GNG7: variants seen among roughly 807,000 people sequenced by gnomAD.
GNG7 encodes guanine nucleotide-binding protein G(I)/G(S)/G(O) subunit gamma-7.
A neutral mutation model predicts 4.0 loss-of-function variants in GNG7; 1 was observed. That is an observed-to-expected ratio of 0.25 (90% CI 0.09 to 1.18). GNG7 has a LOEUF of 1.18. Among genes scored for constraint, GNG7 ranks in the 50% most tolerant of loss-of-function variants. The pLI, the probability that GNG7 is intolerant of heterozygous loss-of-function variation, is 0.50. For synonymous variants in GNG7, 34 were observed against 36.9 expected (o/e 0.92, Z 0.29); for missense variants, 86 against 91.9 (o/e 0.94, Z 0.26).
intron 1 of GNG7, among the ~76,000 whole-genome samples, chr19:2,695,289 C>A (rs766847471): frequency 6.6e-6 from 1 of 151,506 alleles, no homozygotes; most frequent in Non-Finnish European, 1.5e-5. Context: ...CTCTCTACCC[C>A]CCTGGACGAC....
intron 1 of GNG7, among the ~76,000 whole-genome samples, chr19:2,676,993 G>C (rs1983610616): frequency 6.6e-6 from 1 of 152,162 alleles, no homozygotes; most frequent in African/African-American, 2.4e-5. Flanking sequence ...CTCAAAGCAA[G>C]GCATTCTCCT....
At chr19:2,522,598 C>A (rs569564841) in intron 3 of GNG7, among the ~76,000 whole-genome samples, 360 of 151,442 alleles carry the variant, frequency 2.4e-3, no homozygotes, top group Non-Finnish European at 4.1e-3. Flanking sequence ...CACGGTGAAA[C>A]CCCGTCTCCC....
intron 2 of GNG7, among the ~76,000 whole-genome samples, chr19:2,558,838 A>G (rs940246124): frequency 2.0e-5 from 3 of 146,820 alleles, no homozygotes; most frequent in Non-Finnish European, 3.0e-5. Context: ...TCATTTTGTC[A>G]CCCAGGATGG....
In GNG7 at chr19:2,653,104, A is replaced by G. The variant is rs1982873315; in HGVS notation, c.-134-6824T>C. 1.3e-5 allele frequency among the ~76,000 whole-genome samples: 2 copies of G among 152,160 alleles called. No homozygotes were observed. The highest frequency in any genetic ancestry group is 2.9e-5 in the Non-Finnish European group (2 of 68,026). ...AGACTCTGACTCAAATAAATAAATCAAAATAAAATAAAATAAATAATAGAA... is the reference window on the plus strand; with the variant it reads ...AGACTCTGACTCAAATAAATAAATCGAAATAAAATAAAATAAATAATAGAA... On this transcript the variant is annotated intron_variant, in intron 1 of 4. Coordinates refer to ENST00000382159, the MANE Select transcript of GNG7 (RefSeq NM_052847.3). This position sits in a 1 kb window ranked among gnomAD's most constrained non-coding sequence, Gnocchi z 4.8.
intron 2 of GNG7, among the ~76,000 whole-genome samples, chr19:2,625,539 G>C (rs970398642): frequency 2.0e-5 from 3 of 151,986 alleles, no homozygotes; most frequent in African/African-American, 7.2e-5. Context: ...CTTCTCCTCG[G>C]TCACGGGGAT....
chr19:2,662,124 G>A (rs931948749), intron 1 of GNG7, among the ~76,000 whole-genome samples: 1 of 151,914 alleles, frequency 6.6e-6, no homozygotes. Context: ...GCCAGGCGTG[G>A]TTGTGGGCAC....
At chr19:2,568,739 TACATACAC>T (rs983807890) in intron 2 of GNG7, among the ~76,000 whole-genome samples, 73 of 147,150 alleles carry the variant, frequency 5.0e-4, no homozygotes, top group Admixed American at 2.6e-3. Flanking sequence ...CACATATACA[TACATACAC>T]ACATACACAC....
chr19:2,622,277 C>CA (rs1981894997), intron 2 of GNG7, among the ~76,000 whole-genome samples: 1 of 152,172 alleles, frequency 6.6e-6, no homozygotes, highest in Admixed American at 6.5e-5. Context: ...GACGGGGTTT[C>CA]ACCATGTTAG....
At chr19:2,594,187 A>G (rs540207752) in intron 2 of GNG7, among the ~76,000 whole-genome samples, 14 of 152,210 alleles carry the variant, frequency 9.2e-5, no homozygotes, top group African/African-American at 3.4e-4. Context: ...CCTGGCCAAC[A>G]TGGAGAAACC....
rs11878180 is a variant in GNG7, at chr19:2,686,463, C to G, written c.-135+16183G>C. Among the ~76,000 whole-genome samples the G allele has an allele frequency of 6.6e-5, 10 of 151,744 alleles. No individual in the cohort carries two copies. The East Asian group carries it at 1.2e-3, about 18-fold the overall frequency. ...GTGAGCCACCGTACCCGGCCTCCCC[C>G]CTCCTTTTTAAAAATGTTGCATCTC... On this transcript the variant is annotated intron_variant, in intron 1 of 4. Transcript: ENST00000382159.
At chr19:2,654,508 C>A (rs938899983) in intron 1 of GNG7, among the ~76,000 whole-genome samples, 2 of 132,100 alleles carry the variant, frequency 1.5e-5, no homozygotes, top group Non-Finnish European at 3.3e-5. Context: ...CCCTGGGGAA[C>A]AGAATCATCC....
At position 2,649,546 on chromosome 19, in the gene GNG7, C is replaced by T. The variant is rs10425456; in HGVS notation, c.-134-3266G>A. ...CTGGGATTACAGGCACCTACCACCA[C>T]CCCCGGCTAATTTTTGTATTTTTAG... On this transcript the variant is annotated intron_variant, in intron 1 of 4. Transcript: ENST00000382159. Among the ~76,000 whole-genome samples, 672 of 152,002 alleles carry T rather than the reference C, an allele frequency of 4.4e-3. 7 individuals carry two copies. The highest frequency in any genetic ancestry group is 0.013 in the African/African-American group (537 of 41,442).
intron 3 of GNG7, among the ~76,000 whole-genome samples, chr19:2,554,180 TA>T (rs143842717): frequency 0.012 from 1,752 of 147,102 alleles, 32 homozygotes; most frequent in African/African-American, 0.041. Context: ...ATAATATATA[TA>T]TTTTTTTCTT....
chr19:2,637,997 CCT>C (rs1366781454), intron 2 of GNG7, among the ~76,000 whole-genome samples: 1 of 152,160 alleles, frequency 6.6e-6, no homozygotes, highest in East Asian at 1.9e-4. Flanking sequence ...TGGGGGTCCC[CCT>C]GATTTACACC....
chr19:2,661,009 C>T (rs937784778), intron 1 of GNG7, among the ~76,000 whole-genome samples: 3 of 150,958 alleles, frequency 2.0e-5, no homozygotes, highest in South Asian at 2.1e-4. Context: ...GTTGGGAGTT[C>T]GAGGTCAGCC....
At chr19:2,694,238 G>A (rs529559400) in intron 1 of GNG7, among the ~76,000 whole-genome samples, 1 of 141,220 alleles carries the variant, frequency 7.1e-6, no homozygotes, top group African/African-American at 2.7e-5. Flanking sequence ...CTTTTTTTTG[G>A]GGGGGGGCAG....
In GNG7 at chr19:2,674,829, G is replaced by A. The variant is rs927053971; in HGVS notation, c.-135+27817C>T. 5.3e-5 allele frequency among the ~76,000 whole-genome samples: 8 copies of A among 152,156 alleles called. No homozygotes were observed. The East Asian group carries it at 7.7e-4, about 15-fold the overall frequency. The stretch of plus-strand genomic sequence containing the variant: ...ACAGAGATCTCCTTATGTGATGGTC[G>A]TAACTCGCATTTCCACCCTCGACAG... On this transcript the variant is annotated intron_variant, in intron 1 of 4. Transcript: ENST00000382159.
intron 2 of GNG7, among the ~76,000 whole-genome samples, chr19:2,568,324 C>CACAT (rs1980004578): frequency 6.6e-6 from 1 of 150,700 alleles, no homozygotes; most frequent in African/African-American, 2.5e-5. Flanking sequence ...CGCACACACA[C>CACAT]ATATACACAC....
At chr19:2,690,635 C>A (rs912445469) in intron 1 of GNG7, among the ~76,000 whole-genome samples, 2 of 151,956 alleles carry the variant, frequency 1.3e-5, no homozygotes, top group Non-Finnish European at 2.9e-5. Context: ...GCTCTGTCGC[C>A]CAGGCTGGAG....
Sources: gnomAD v4.1 joint callset for allele counts (sites outside exome capture counted in the v4.1 genomes callset) on GRCh38, gnomAD v4.1.1 for gene constraint, Gnocchi (gnomAD v3.1) non-coding constraint, MANE v1.5 for transcripts, NCBI Gene and HGNC (gene_info 2026-07-23, HGNC 2026-07-21) for gene names.